The following GATA4 variants were observed in gnomAD, a reference collection of about 807,000 sequenced individuals.
GATA4 encodes GATA binding protein 4, also known as transcription factor GATA-4.
Under a neutral mutation model 37.9 loss-of-function variants are expected in GATA4, and 7 were observed. That is an observed-to-expected ratio of 0.18 (90% confidence interval 0.11 to 0.35). The LOEUF is 0.35. GATA4 is among the 10% of genes least tolerant of loss of function. The pLI, the probability that GATA4 is intolerant of heterozygous loss-of-function variation, is 1.00. For synonymous variants in GATA4, 372 were observed against 292.6 expected, an observed-to-expected ratio of 1.27 and a Z score of -2.77; for missense variants, 647 against 653.0, an observed-to-expected ratio of 0.99 and a Z score of 0.10.
chr8:11,734,775 C>G (rs539444273), intron 2 of GATA4, among the ~76,000 whole-genome samples: 17 of 152,280 alleles, frequency 1.1e-4, no homozygotes, highest in Admixed American at 1.1e-3. Context: ...CAAGAGTGAG[C>G]CACCGTGCCC....
At chr8:11,679,393 G>A (rs1367873805) in intron 1 of GATA4, among the ~76,000 whole-genome samples, 2 of 152,200 alleles carry the variant, frequency 1.3e-5, no homozygotes, top group African/African-American at 4.8e-5. Context: ...GAGGGCGTGC[G>A]CCGCGGGACG....
At chr8:11,755,923 AG>A (rs1478155592) in intron 5 of GATA4, among the ~76,000 whole-genome samples, 1 of 150,736 alleles carries the variant, frequency 6.6e-6, no homozygotes, top group Non-Finnish European at 1.5e-5. Context: ...AAAAAAAAAA[AG>A]AAATACATTT....
At chr8:11,727,594 G>A (rs1800991498) in intron 2 of GATA4, among the ~76,000 whole-genome samples, 1 of 152,064 alleles carries the variant, frequency 6.6e-6, no homozygotes, top group African/African-American at 2.4e-5. Context: ...TGTAATCCCA[G>A]CGCTTTGGGA....
At chr8:11,746,758 C>G (rs1346400410) in intron 2 of GATA4, among the ~76,000 whole-genome samples, 1 of 152,238 alleles carries the variant, frequency 6.6e-6, no homozygotes, top group Non-Finnish European at 1.5e-5. Flanking sequence ...GGCCGCATCT[C>G]ATGGGCGGCT....
At chr8:11,745,191 G>C (rs1335399304) in intron 2 of GATA4, among the ~76,000 whole-genome samples, 1 of 152,194 alleles carries the variant, frequency 6.6e-6, no homozygotes, top group African/African-American at 2.4e-5. Flanking sequence ...GCACACCTGT[G>C]TGTTGGGCTC....
intron 2 of GATA4, among the ~76,000 whole-genome samples, chr8:11,714,359 A>G (rs568123095): frequency 6.6e-6 from 1 of 152,298 alleles, no homozygotes; most frequent in South Asian, 2.1e-4. Context: ...GTGTTCTCAG[A>G]GTTTTTTTAT....
intron 1 of GATA4, among the ~76,000 whole-genome samples, chr8:11,684,488 T>C (rs1440239804): frequency 6.6e-6 from 1 of 152,246 alleles, no homozygotes; most frequent in East Asian, 1.9e-4. Context: ...TTACAAAGAA[T>C]GTTCTGGAAA....
chr8:11,708,665 C>T lies in GATA4; in HGVS notation c.353C>T (p.Ala118Val), dbSNP rs773669971. 1 of 1,293,146 alleles carries T rather than the reference C, an allele frequency of 7.7e-7. No homozygotes were observed. Among genetic ancestry groups the T allele is most frequent in the Non-Finnish European group, 9.8e-7 (1 of 1,023,310 alleles). 80.1% of individuals were successfully genotyped at this position (1,293,146 alleles called of 1,614,324 possible). A position where few individuals can be genotyped will look rare whatever the true frequency, so the allele number is the denominator to read the frequency against. ...FSFPGTTGSL[A>V]AAAAAAAARE... is the part of the protein sequence containing the mutation. ...TTCCCGGGGACCACCGGGTCCCTGG[C>T]GGCCGCCGCCGCCGCTGCCGCGGCC... The change falls in exon 2 of 7, where the codon GCG (alanine) becomes GTG (valine). Residue 118 changes from alanine to valine, a missense_variant. Physicochemically the swap from Ala to Val is moderately conservative, Grantham distance 64. Around this residue, in one of 5 missense-constraint regions of GATA4, gnomAD observed 379 missense variants for 334.5 expected, o/e 1.13. Transcript: ENST00000532059. The surrounding 1 kb of genome is among the most constrained non-coding windows in gnomAD (Gnocchi z 6.7).
chr8:11,724,497 G>T (rs1020561914), intron 2 of GATA4, among the ~76,000 whole-genome samples: 1 of 152,072 alleles, frequency 6.6e-6, no homozygotes, highest in African/African-American at 2.4e-5. Flanking sequence ...TTCATTTTCT[G>T]TATGTCATAA....
At chr8:11,703,524 A>G (rs1799758380), upstream of GATA4, among the ~76,000 whole-genome samples, 1 of 152,128 alleles carries the variant, frequency 6.6e-6, no homozygotes, top group Non-Finnish European at 1.5e-5. Flanking sequence ...AAAAAGGGGG[A>G]AAGATTAGAA....
intron 2 of GATA4, among the ~76,000 whole-genome samples, chr8:11,725,412 T>A (rs1311308201): frequency 6.6e-6 from 1 of 152,224 alleles, no homozygotes; most frequent in African/African-American, 2.4e-5. Context: ...GGGAATCTGA[T>A]TCCGTACTGG....
At chr8:11,741,647 T>C (rs1023834580) in intron 2 of GATA4, among the ~76,000 whole-genome samples, 7 of 152,162 alleles carry the variant, frequency 4.6e-5, no homozygotes, top group African/African-American at 1.7e-4. Context: ...GGGAAATCTT[T>C]ATGCTGTAAT....
At chr8:11,744,451 C>T (rs1585675388) in intron 2 of GATA4, among the ~76,000 whole-genome samples, 1 of 152,206 alleles carries the variant, frequency 6.6e-6, no homozygotes, top group African/African-American at 2.4e-5. Flanking sequence ...GGGCTGCATC[C>T]GAGGCCACAG....
intron 2 of GATA4, among the ~76,000 whole-genome samples, chr8:11,721,924 C>T (rs1800694440): frequency 1.3e-5 from 2 of 152,220 alleles, no homozygotes; most frequent in Non-Finnish European, 1.5e-5. Context: ...GGGCTCAGAT[C>T]AACCGATCTT....
chr8:11,677,720 G>C (rs963986508), intron 1 of GATA4, among the ~76,000 whole-genome samples: 16 of 152,228 alleles, frequency 1.1e-4, no homozygotes, highest in African/African-American at 3.6e-4. Flanking sequence ...ACTTTTCTTT[G>C]CCTATTCGCA....
chr8:11,758,001 A>G (rs1312150225), intron 6 of GATA4, among the ~76,000 whole-genome samples: 1 of 152,136 alleles, frequency 6.6e-6, no homozygotes, highest in East Asian at 1.9e-4. Flanking sequence ...AGGATGGTAG[A>G]AAGTGTCTCC....
rs754789730 is a variant in GATA4, at chr8:11,721,630, G to C, written c.616+12702G>C. ...CGGCAGCAGGGCACGGCGGCTGTGT[G>C]GTTTGAGTTCAAATTGAGGGCCAAG... is the stretch of plus-strand genomic sequence containing the variant. On this transcript the variant is annotated intron_variant, in intron 2 of 6. Transcript: ENST00000532059. Among the ~76,000 whole-genome samples, 22 of 152,052 alleles carry C rather than the reference G, an allele frequency of 1.4e-4. 1 individual carries two copies. Among genetic ancestry groups the C allele is most frequent in the Non-Finnish European group, 7.4e-5 (5 of 68,020 alleles).
chr8:11,747,102 C>T (rs1802069647), intron 2 of GATA4, among the ~76,000 whole-genome samples: 1 of 152,238 alleles, frequency 6.6e-6, no homozygotes. Context: ...CCTGTCCTCC[C>T]AACTCAATAA....
At chr8:11,687,084 C>CT (rs1563186774) in intron 1 of GATA4, among the ~76,000 whole-genome samples, 1 of 152,000 alleles carries the variant, frequency 6.6e-6, no homozygotes, top group Non-Finnish European at 1.5e-5. Flanking sequence ...GAGCAGACAT[C>CT]TGTGTTCTTG....
Sources: gnomAD v4.1 joint callset for allele counts (sites outside exome capture counted in the v4.1 genomes callset) on GRCh38, gnomAD v4.1.1 for gene constraint, gnomAD v4.1.1 regional missense constraint, Gnocchi (gnomAD v3.1) non-coding constraint, MANE v1.5 for transcripts, NCBI Gene and HGNC (gene_info 2026-07-23, HGNC 2026-07-21) for gene names.